The following ZNF692 variants were observed in gnomAD, a reference collection of about 807,000 sequenced individuals.
ZNF692 encodes the protein AICAR responsive element binding protein.
In ZNF692, 41 loss-of-function variants were observed where a neutral mutation model predicts 49.0. The ratio of observed to expected loss-of-function variants is 0.84; its 90% CI spans 0.65 to 1.08. The LOEUF (loss-of-function observed/expected upper bound fraction) is 1.08, where lower values mean the gene tolerates loss of function less well. Among genes scored for constraint, ZNF692 ranks in the 50% least tolerant of loss-of-function variants. ZNF692 has a pLI of 0.00. For missense variants in ZNF692, 662 were observed against 662.2 expected, an observed-to-expected ratio of 1.00 and a Z score of 0.00; for synonymous variants, 288 against 251.5, an observed-to-expected ratio of 1.15 and a Z score of -1.37.
intron 3 of ZNF692, 109 bp from the exon 4 acceptor site, chr1:248,857,606 C>G (rs866462348): frequency 6.6e-7 from 1 of 1,504,054 alleles, no homozygotes; most frequent in Admixed American, 2.4e-5. Flanking sequence ...GCAACCTCAG[C>G]CCCAGTCCAA....
Position 248,858,208 on chromosome 1 carries a change from G to C in ZNF692, c.102C>G (p.His34Gln), listed in dbSNP as rs766744822. 1.3e-6 allele frequency: 2 copies of C among 1,592,860 alleles called. No individual in the cohort carries two copies. Among genetic ancestry groups the C allele is most frequent in the Non-Finnish European group, 1.7e-6 (2 of 1,171,088 alleles). Residue 34 changes from histidine (H) to glutamine (Q), a missense_variant, in exon 2 of 12, where the codon CAC (histidine) becomes CAG (glutamine). Transcript: ENST00000306601. This position sits in a 1 kb window ranked among gnomAD's most constrained non-coding sequence, Gnocchi z 4.3. ...CCTTGAGGAGGCACCACTGCTCCATGTGGCCGCCCAGGCGGATGCGGCACT... is the reference window on the plus strand; with the variant it reads ...CCTTGAGGAGGCACCACTGCTCCATCTGGCCGCCCAGGCGGATGCGGCACT... Reference protein sequence around the residue: ...RSKCRIRLGGHMEQWCLLKER... With the variant: ...RSKCRIRLGGQMEQWCLLKER...
chr1:248,857,552 C>A, intron 3 of ZNF692, 55 bp from the exon 4 acceptor site: 1 of 1,564,874 alleles, frequency 6.4e-7, no homozygotes, highest in South Asian at 1.2e-5. Context: ...TCCTCTTACC[C>A]TGGAGAGCCA....
chr1:248,856,033 A>C, intron 6 of ZNF692, 87 bp from the exon 7 acceptor site: 2 of 1,425,918 alleles, frequency 1.4e-6, no homozygotes, highest in Non-Finnish European at 9.6e-7. Flanking sequence ...AACTGAAAAG[A>C]TCTCAAACTT....
rs1660346730 is a variant in ZNF692, at chr1:248,857,256, G to A, written c.453C>T (p.Ala151=). ...HTTRRSWCSE[A]TSGQELADLE... ...TACCTGCAAGCTCCTGCCCACTCGT[G>A]GCCTCGGAACACCAACTTCTCCGAG... The change falls in exon 4 of 12, where the codon GCC becomes GCT. Residue 151 remains alanine (A), a synonymous_variant. Coordinates refer to ENST00000306601, the MANE Select transcript of ZNF692 (RefSeq NM_017865.4). 1.2e-6 allele frequency: 2 copies of A among 1,613,772 alleles called. No individual in the cohort carries two copies. The highest frequency in any genetic ancestry group is 4.5e-5 in the East Asian group (2 of 44,866).
chr1:248,853,532 A>G (rs1455701873), intron 10 of ZNF692, among the ~76,000 whole-genome samples: 1 of 152,148 alleles, frequency 6.6e-6, no homozygotes, highest in East Asian at 1.9e-4. Context: ...CGCTGTCCAT[A>G]GTCTGTAAGG....
At position 248,850,317 on chromosome 1, in the gene ZNF692, G is replaced by C. The variant is rs377103829; in HGVS notation, c.1453C>G (p.Pro485Ala). The part of the protein sequence containing the change: ...LLAPQESPSG[P>A]LEPCPSISAP... ...GAGATGCTGGGACAGGGCTCTAGGG[G>C]ACCACTGGGTGACTCTTGAGGGGCT... Residue 485 changes from proline (P) to alanine (A), a missense_variant, in exon 12 of 12, where the codon CCC (proline) becomes GCC (alanine). By Grantham distance (27) the Pro-to-Ala change is conservative. Transcript: ENST00000306601. The C allele has an allele frequency of 6.2e-7, 1 of 1,613,790 alleles. No individual in the cohort carries two copies. Among genetic ancestry groups the C allele is most frequent in the Admixed American group, 1.7e-5 (1 of 59,970 alleles).
chr1:248,850,157 C>T lies in ZNF692; in HGVS notation c.*53G>A, dbSNP rs1659375428. On this transcript the variant is annotated 3_prime_UTR_variant, in exon 12 of 12. Coordinates refer to ENST00000306601, the MANE Select transcript of ZNF692 (RefSeq NM_017865.4). ...TCTCAAGCAGACCCTCTCCTTGTTG[C>T]TCCTTTTCAGTCCCTGGAGTCTGGC... 1.3e-6 allele frequency: 2 copies of T among 1,502,384 alleles called. No homozygotes were observed. Among genetic ancestry groups the T allele is most frequent in the African/African-American group, 2.8e-5 (2 of 71,380 alleles). 93.1% of individuals were successfully genotyped at this position (1,502,384 alleles called of 1,614,324 possible).
rs1262222386 is a variant in ZNF692, at chr1:248,858,191, A to C, written c.119T>G (p.Leu40Arg). The change falls in exon 2 of 12, where the codon CTC becomes CGC. Residue 40 changes from leucine to arginine, a missense_variant. Transcript: ENST00000306601. The surrounding 1 kb of genome is among the most constrained non-coding windows in gnomAD (Gnocchi z 4.3). Reference sequence around the variant, plus strand: ...GGAGAAGCCCAGCCGCTCCTTGAGGAGGCACCACTGCTCCATGTGGCCGCC... The same window carrying C: ...GGAGAAGCCCAGCCGCTCCTTGAGGCGGCACCACTGCTCCATGTGGCCGCC... ...RLGGHMEQWC[L>R]LKERLGFSLH... is the part of the protein sequence containing the mutation. The C allele has an allele frequency of 4.4e-6, 7 of 1,585,690 alleles. No homozygotes were observed. The highest frequency in any genetic ancestry group is 1.3e-5 in the African/African-American group (1 of 74,536).
chr1:248,853,263 A>G (rs1191183586), intron 10 of ZNF692, among the ~76,000 whole-genome samples: 1 of 152,180 alleles, frequency 6.6e-6, no homozygotes, highest in Non-Finnish European at 1.5e-5. Context: ...GTCATCTCAC[A>G]GTTGAGTGCC....
intron 4 of ZNF692, 93 bp from the exon 5 acceptor site, chr1:248,856,655 T>G: frequency 2.1e-6 from 3 of 1,460,304 alleles, no homozygotes; most frequent in Non-Finnish European, 1.9e-6. Flanking sequence ...GGGAGACTCC[T>G]CTTTTTTTTT....
chr1:248,858,558 A>T lies in ZNF692; in HGVS notation c.-12-237T>A. 2 of 1,551,714 alleles carry T rather than the reference A, an allele frequency of 1.3e-6. No homozygotes were observed. The highest frequency in any genetic ancestry group is 8.7e-7 in the Non-Finnish European group (1 of 1,146,984). On this transcript the variant is annotated intron_variant, in intron 1 of 11. Transcript: ENST00000306601. The surrounding 1 kb of genome is among the most constrained non-coding windows in gnomAD (Gnocchi z 4.3). ...GAGGCAGGCAGACAGAAGCAGTCAG[A>T]ACAAAGGCCTGCGCCCTCCAGTCCA... is the stretch of plus-strand genomic sequence containing the variant.
chr1:248,855,495 GC>G (rs1660120683), intron 8 of ZNF692, 37 bp from the exon 9 acceptor site: 1 of 1,613,504 alleles, frequency 6.2e-7, no homozygotes, highest in Non-Finnish European at 8.5e-7. Flanking sequence ...CATGACTCCT[GC>G]CTGCCCTTCT....
Position 248,856,441 on chromosome 1 carries a change from C to T in ZNF692, c.525-19G>A. The T allele has an allele frequency of 6.2e-7, 1 of 1,613,910 alleles. No individual in the cohort carries two copies. The highest frequency in any genetic ancestry group is 8.5e-7 in the Non-Finnish European group (1 of 1,179,856). On this transcript the variant is annotated intron_variant, in intron 5 of 11. Coordinates refer to ENST00000306601, the MANE Select transcript of ZNF692 (RefSeq NM_017865.4). The stretch of plus-strand genomic sequence containing the variant: ...CACCCTCCTGCAGGCCCAAAGAAGG[C>T]AAGCCTGAGGTCCTGCTCCCTCATC...
In ZNF692 at chr1:248,858,634, A is replaced by G. The variant is rs1019015524; in HGVS notation, c.-13+284T>C. ...CGAGAGACTTTCACGGGAAATTTCAACTGGGCTGGGGGCGGTCCACACATT... is the reference window on the plus strand; with the variant it reads ...CGAGAGACTTTCACGGGAAATTTCAGCTGGGCTGGGGGCGGTCCACACATT... On this transcript the variant is annotated intron_variant, in intron 1 of 11. Coordinates refer to ENST00000306601, the MANE Select transcript of ZNF692 (RefSeq NM_017865.4). This position sits in a 1 kb window ranked among gnomAD's most constrained non-coding sequence, Gnocchi z 4.3. The G allele has an allele frequency of 5.3e-5, 74 of 1,383,950 alleles. No homozygotes were observed. Among genetic ancestry groups the G allele is most frequent in the East Asian group, 1.7e-4 (7 of 40,060 alleles). The allele number at this position is 1,383,950 out of a possible 1,614,324, so 85.7% of individuals were successfully genotyped here.
rs1660485926 is a variant in ZNF692, at chr1:248,858,280, G to A, written c.30C>T (p.Ser10=). 9 of 1,582,674 alleles carry A rather than the reference G, an allele frequency of 5.7e-6. No individual in the cohort carries two copies. Among genetic ancestry groups the A allele is most frequent in the African/African-American group, 1.3e-5 (1 of 74,358 alleles). Residue 10 remains serine, a synonymous_variant, in exon 2 of 12, where the codon TCC becomes TCT. Coordinates refer to ENST00000306601, the MANE Select transcript of ZNF692 (RefSeq NM_017865.4). This position sits in a 1 kb window ranked among gnomAD's most constrained non-coding sequence, Gnocchi z 4.3. MASSPAVDV[S]CRRREKRRQL... is the part of the protein sequence containing the mutation. ...GCCGCCGCTTCTCCCGCCGCCTGCA[G>A]GACACGTCCACCGCCGGGGAGGAAG...
At chr1:248,856,071 C>T in intron 6 of ZNF692, 125 bp from the exon 7 acceptor site, 1 of 1,211,492 alleles carries the variant, frequency 8.3e-7, no homozygotes, top group South Asian at 1.5e-5. Context: ...ACCCTAGGCT[C>T]CCCATTCATA....
Position 248,856,294 on chromosome 1 carries a change from G to C in ZNF692, c.653C>G (p.Pro218Arg). Residue 218 changes from proline to arginine, a missense_variant, in exon 6 of 12, where the codon CCA becomes CGA. Pro to Arg is a moderately radical substitution (Grantham distance 103). Transcript: ENST00000306601. ...TCCCTCAACCCCAACTTGCTCATCT[G>C]GGGAGGAGCTGTAGGTCCATAAGCT... The part of the protein sequence containing the change: ...DASLWTYSSS[P>R]DDSEPDAPRL... 1 of 1,585,704 alleles carries C rather than the reference G, an allele frequency of 6.3e-7. No individual in the cohort carries two copies. The highest frequency in any genetic ancestry group is 2.2e-5 in the East Asian group (1 of 44,760).
At chr1:248,853,740 A>C (rs976471517) in intron 10 of ZNF692, among the ~76,000 whole-genome samples, 197 bp downstream of exon 10, 2 of 152,174 alleles carry the variant, frequency 1.3e-5, no homozygotes, top group Non-Finnish European at 2.9e-5. Flanking sequence ...ACAGTTTAAA[A>C]CAAGCAGGTG....
chr1:248,857,302 G>A lies in ZNF692; in HGVS notation c.407C>T (p.Pro136Leu). ...LSPTPSEAPK[P>L]ASLPHTTRRS... is the part of the protein sequence containing the mutation. The stretch of plus-strand genomic sequence containing the variant: ...CCGAGTAGTATGTGGAAGGGAGGCT[G>A]GCTTGGGTGCCTCTGAAGGTGTAGG... Residue 136 changes from proline (P) to leucine (L), a missense_variant, in exon 4 of 12, where the codon CCA (proline) becomes CTA (leucine). Transcript: ENST00000306601. The A allele has an allele frequency of 6.2e-7, 1 of 1,614,178 alleles. No individual in the cohort carries two copies. Among genetic ancestry groups the A allele is most frequent in the Non-Finnish European group, 8.5e-7 (1 of 1,180,032 alleles).
Sources: allele counts gnomAD v4.1 joint callset (sites outside exome capture counted in the v4.1 genomes callset), GRCh38; gene constraint gnomAD v4.1.1; non-coding constraint Gnocchi (gnomAD v3.1); transcripts MANE v1.5; gene names NCBI Gene and HGNC (gene_info 2026-07-23, HGNC 2026-07-21).